The following CYP39A1 variants were observed in gnomAD, a reference collection of about 807,000 sequenced individuals.
CYP39A1 encodes the protein 24-hydroxycholesterol 7-alpha-hydroxylase.
In CYP39A1, 49 loss-of-function variants were observed where a neutral mutation model predicts 58.1. The ratio of observed to expected loss-of-function variants is 0.84; its 90% CI spans 0.67 to 1.07. CYP39A1 has a LOEUF of 1.07. Among genes scored for constraint, CYP39A1 ranks in the 50% least tolerant of loss-of-function variants. The pLI is 0.00. For synonymous variants in CYP39A1, 209 were observed against 187.6 expected (o/e 1.11, Z -0.93); for missense variants, 531 against 539.4 (o/e 0.98, Z 0.16).
chr6:46,619,960 T>C (rs1206548851), intron 7 of CYP39A1, among the ~76,000 whole-genome samples: 3 of 152,132 alleles, frequency 2.0e-5, no homozygotes, highest in African/African-American at 7.2e-5. Flanking sequence ...TTCAGGGTGA[T>C]GTCAGTAAAA....
In CYP39A1 at chr6:46,639,505, G is replaced by A. The variant is rs1482035056; in HGVS notation, c.477C>T (p.Asn159=). The A allele has an allele frequency of 6.2e-7, 1 of 1,613,946 alleles. No homozygotes were observed. Among genetic ancestry groups the A allele is most frequent in the South Asian group, 1.1e-5 (1 of 91,066 alleles). ...NLGTHGTMDL[N]NLVRHLLYPV... ...ATGCGTCTATTTACCTTACTAAGTT[G>A]TTCAGGTCCATTGTCCCATGAGTGC... The change falls in exon 3 of 12, where the codon AAC becomes AAT. Residue 159 remains asparagine, a synonymous_variant. Transcript: ENST00000275016.
At chr6:46,649,609 A>C (rs987627419) in intron 1 of CYP39A1, among the ~76,000 whole-genome samples, 6 of 152,244 alleles carry the variant, frequency 3.9e-5, no homozygotes, top group Non-Finnish European at 7.3e-5. Context: ...TGTGAATAAT[A>C]TGACACATTT....
At chr6:46,587,553 A>T (rs1300688768) in intron 9 of CYP39A1, among the ~76,000 whole-genome samples, 2 of 152,186 alleles carry the variant, frequency 1.3e-5, no homozygotes, top group Non-Finnish European at 2.9e-5. Context: ...GAATGAATGC[A>T]TCTGGATGCC....
At chr6:46,618,415 A>C (rs1358851841) in intron 7 of CYP39A1, among the ~76,000 whole-genome samples, 1 of 152,196 alleles carries the variant, frequency 6.6e-6, no homozygotes, top group Non-Finnish European at 1.5e-5. Flanking sequence ...TATCAATTAA[A>C]ATTTAAAACA....
At chr6:46,645,888 C>T (rs898499231) in intron 1 of CYP39A1, among the ~76,000 whole-genome samples, 11 of 152,006 alleles carry the variant, frequency 7.2e-5, no homozygotes, top group Admixed American at 6.6e-4. Flanking sequence ...TACATTTATA[C>T]CTAAATATTT....
intron 7 of CYP39A1, among the ~76,000 whole-genome samples, chr6:46,598,211 A>T (rs1369923736): frequency 2.0e-5 from 3 of 152,152 alleles, no homozygotes; most frequent in Non-Finnish European, 4.4e-5. Flanking sequence ...CTGCAATAAA[A>T]CAGTTATTTA....
chr6:46,636,620 G>C, intron 4 of CYP39A1, 138 bp from the exon 5 acceptor site: 1 of 624,712 alleles, frequency 1.6e-6, no homozygotes, highest in Non-Finnish European at 2.8e-6. Flanking sequence ...TAATTTCATG[G>C]AAGGTCTACC....
At chr6:46,630,238 C>G (rs1462935906) in intron 6 of CYP39A1, among the ~76,000 whole-genome samples, 2 of 152,060 alleles carry the variant, frequency 1.3e-5, no homozygotes, top group African/African-American at 4.8e-5. Context: ...GACCATAATG[C>G]TAAGCAATGC....
chr6:46,630,021 G>A (rs1332756735), intron 6 of CYP39A1, among the ~76,000 whole-genome samples: 4 of 151,886 alleles, frequency 2.6e-5, no homozygotes, highest in African/African-American at 9.7e-5. Context: ...GCTTGAACCC[G>A]GGAAGCAGAG....
At chr6:46,624,178 C>T (rs1360170192) in intron 7 of CYP39A1, among the ~76,000 whole-genome samples, 3 of 152,134 alleles carry the variant, frequency 2.0e-5, no homozygotes, top group African/African-American at 7.2e-5. Flanking sequence ...TCCCCATCAT[C>T]CCCTCTCTAC....
At chr6:46,593,256 A>G (rs547202213) in intron 8 of CYP39A1, among the ~76,000 whole-genome samples, 4 of 152,250 alleles carry the variant, frequency 2.6e-5, no homozygotes, top group Admixed American at 6.5e-5. Context: ...ATCTGTGTGC[A>G]TGTGTTTGAG....
chr6:46,556,613 A>G (rs192283045), intron 10 of CYP39A1, among the ~76,000 whole-genome samples: 1 of 152,316 alleles, frequency 6.6e-6, no homozygotes, highest in Non-Finnish European at 1.5e-5. Context: ...TGTACAGCAC[A>G]TGGACCATTA....
At chr6:46,552,911 G>A (rs541044407) in intron 11 of CYP39A1, among the ~76,000 whole-genome samples, 26 of 151,964 alleles carry the variant, frequency 1.7e-4, no homozygotes, top group Non-Finnish European at 3.5e-4. Flanking sequence ...AGCCAGGCAT[G>A]GTGGTGTGCG....
intron 5 of CYP39A1, among the ~76,000 whole-genome samples, chr6:46,631,712 A>C (rs1005589610): frequency 1.3e-5 from 2 of 152,166 alleles, no homozygotes; most frequent in Non-Finnish European, 2.9e-5. Flanking sequence ...CAAATACCAC[A>C]ATACTCTAAA....
chr6:46,617,452 G>A (rs1582411030), intron 7 of CYP39A1, among the ~76,000 whole-genome samples: 1 of 151,998 alleles, frequency 6.6e-6, no homozygotes, highest in Admixed American at 6.6e-5. Flanking sequence ...TCAGGCTCAG[G>A]GGTATGAATG....
At position 46,601,148 on chromosome 6, in the gene CYP39A1, A is replaced by G. The variant is rs1327448220; in HGVS notation, c.932-5028T>C. Among the ~76,000 whole-genome samples, 24 of 152,202 alleles carry G rather than the reference A, an allele frequency of 1.6e-4. 1 individual carries two copies. Among genetic ancestry groups the G allele is most frequent in the Admixed American group, 1.6e-3 (24 of 15,270 alleles). ...GGTGTCAGAAGTGTTGTGTGTAGAG[A>G]AACAGTTTTCCTTTGTCCTTCCTTT... On this transcript the variant is annotated intron_variant, in intron 7 of 11. Coordinates refer to ENST00000275016, the MANE Select transcript of CYP39A1 (RefSeq NM_016593.5).
At chr6:46,628,493 T>C (rs1223208730) in intron 6 of CYP39A1, among the ~76,000 whole-genome samples, 1 of 152,214 alleles carries the variant, frequency 6.6e-6, no homozygotes, top group East Asian at 1.9e-4. Context: ...CAGTCAGAAA[T>C]TTCTTGGAAC....
chr6:46,594,013 T>C (rs976468755), intron 8 of CYP39A1, among the ~76,000 whole-genome samples: 4 of 152,108 alleles, frequency 2.6e-5, no homozygotes, highest in Non-Finnish European at 5.9e-5. Context: ...ATAACTTTCT[T>C]CACATCCTGA....
chr6:46,611,609 T>A lies in CYP39A1; in HGVS notation c.931+13809A>T, dbSNP rs575639392. ...TTTAAGAAGTGCTTCTCTCATATTT[T>A]AAAAAAGAGATTATCAATTTCTCTA... On this transcript the variant is annotated intron_variant, in intron 7 of 11. Transcript: ENST00000275016. Among the ~76,000 whole-genome samples, 119 of 152,260 alleles carry A rather than the reference T, an allele frequency of 7.8e-4. 1 individual carries two copies. The South Asian group carries it at 0.024, about 30-fold the overall frequency.
Sources: allele counts gnomAD v4.1 joint callset (sites outside exome capture counted in the v4.1 genomes callset), GRCh38; gene constraint gnomAD v4.1.1; transcripts MANE v1.5; gene names NCBI Gene and HGNC (gene_info 2026-07-23, HGNC 2026-07-21).